The following MGAM variants were observed in gnomAD, a reference collection of about 807,000 sequenced individuals.
The protein encoded by MGAM is maltase-glucoamylase, also known as alpha-1,4-glucosidase.
In MGAM, 253 loss-of-function variants were observed where a neutral mutation model predicts 358.8. The observed-to-expected ratio is 0.71, with a 90% CI of 0.64 to 0.78. The LOEUF (loss-of-function observed/expected upper bound fraction) is 0.78, where lower values mean the gene tolerates loss of function less well. Ranked by LOEUF, MGAM falls within the 30% of genes least tolerant of loss-of-function variation. MGAM has a pLI of 0.00. For synonymous variants in MGAM, 1,105 were observed against 1,227.1 expected (o/e 0.90, Z 2.08); for missense variants, 3,080 against 3,432.6 (o/e 0.90, Z 2.57).
intron 6 of MGAM, 53 bp downstream of exon 6, chr7:142,021,790 C>T (rs1353985579): frequency 6.3e-7 from 1 of 1,579,636 alleles, no homozygotes; most frequent in Non-Finnish European, 8.7e-7. Flanking sequence ...ACAGGGAGGT[C>T]TGTAAGCATG....
chr7:142,033,093 C>T (rs370519405), intron 14 of MGAM, among the ~76,000 whole-genome samples, 184 bp downstream of exon 14: 1 of 152,156 alleles, frequency 6.6e-6, no homozygotes, highest in Admixed American at 6.5e-5. Context: ...TTTCCTAAAA[C>T]ATGCACAAAT....
intron 1 of MGAM, among the ~76,000 whole-genome samples, chr7:142,004,930 A>C (rs1473656087): frequency 1.3e-5 from 2 of 152,092 alleles, no homozygotes; most frequent in Non-Finnish European, 2.9e-5. Context: ...TAAAAAATCA[A>C]ACTTAAATCT....
chr7:142,054,009 G>C (rs192746011), intron 26 of MGAM, among the ~76,000 whole-genome samples: 4 of 152,126 alleles, frequency 2.6e-5, no homozygotes, highest in Non-Finnish European at 4.4e-5. Flanking sequence ...CTCTGCCTTC[G>C]TGGTTGTTAT....
intron 68 of MGAM, among the ~76,000 whole-genome samples, chr7:142,101,660 C>T (rs1012965606): frequency 6.6e-6 from 1 of 151,636 alleles, no homozygotes; most frequent in Admixed American, 6.6e-5. Context: ...AATCCCAGCA[C>T]TTTGAGAGGC....
chr7:142,053,117 G>A lies in MGAM; in HGVS notation c.3159+133G>A, dbSNP rs547480659. On this transcript the variant is annotated intron_variant, in intron 26 of 70. Coordinates refer to ENST00000475668, the MANE Select transcript of MGAM (RefSeq NM_001365693.1). The stretch of plus-strand genomic sequence containing the variant: ...ACTATATCATTATCCAGAGAGCATT[G>A]AGAAATCATTGAGGGAACAATGAGA... The A allele has an allele frequency of 2.8e-6, 3 of 1,059,072 alleles. No homozygotes were observed. In the South Asian group the frequency reaches 4.8e-5, roughly 17 times the overall value. The allele number at this position is 1,059,072 out of a possible 1,614,324, so 65.6% of individuals were successfully genotyped here.
intron 70 of MGAM, among the ~76,000 whole-genome samples, chr7:142,103,891 C>G (rs1474547458): frequency 1.3e-5 from 2 of 149,634 alleles, no homozygotes; most frequent in Non-Finnish European, 3.0e-5. Flanking sequence ...GAGTCTCACT[C>G]TGTTGCCCAG....
In MGAM at chr7:142,038,711, C is replaced by A. The variant is rs1015806865; in HGVS notation, c.2316+96C>A. On this transcript the variant is annotated intron_variant, in intron 19 of 70. Coordinates refer to ENST00000475668, the MANE Select transcript of MGAM (RefSeq NM_001365693.1). ...CTTCTTATTCCAAACTCACTTCTGA[C>A]ATCTGTGACTGAGTCAGCCTTGAAG... The A allele has an allele frequency of 1.2e-5, 10 of 850,766 alleles. No homozygotes were observed. The African/African-American group carries it at 1.7e-4, about 15-fold the overall frequency. The allele number at this position is 850,766 out of a possible 1,614,324, so 52.7% of individuals were successfully genotyped here.
rs371707186 is a variant in MGAM at position 142,064,472 on chromosome 7, C to T, written c.4434C>T (p.His1478=). The T allele has an allele frequency of 2.4e-5, 38 of 1,589,054 alleles. No homozygotes were observed. The African/African-American group carries it at 3.9e-4, about 16-fold the overall frequency. ...TCCCAGACGGCTCCCTGGTGCAGCA[C>T]TACAACGTGCACAACCTGTATGGGT... is the stretch of plus-strand genomic sequence containing the variant. ...QILPDGSLVQ[H]YNVHNLYGWS... Residue 1478 remains histidine, a synonymous_variant, in exon 37 of 71, where the codon CAC becomes CAT. Transcript: ENST00000475668.
rs78035993 is a variant in MGAM, at chr7:142,079,987, G to T, written c.5848-804G>T. Among the ~76,000 whole-genome samples the T allele has an allele frequency of 9.4e-3, 1,380 of 146,472 alleles. 156 individuals are homozygous for T. The South Asian group carries it at 0.097, about 10-fold the overall frequency. On this transcript the variant is annotated intron_variant, in intron 49 of 70. Coordinates refer to ENST00000475668, the MANE Select transcript of MGAM (RefSeq NM_001365693.1). ...TACTCTACCTCTTGACCATACAGTA[G>T]CTCTTTCCAAAATATTTGCCTCTTT...
At chr7:142,072,228 A>G (rs1472640380) in intron 44 of MGAM, among the ~76,000 whole-genome samples, 1 of 145,986 alleles carries the variant, frequency 6.8e-6, no homozygotes, top group Non-Finnish European at 1.6e-5. Context: ...AACAACTCTT[A>G]TCTCCTGCCA....
intron 45 of MGAM, among the ~76,000 whole-genome samples, chr7:142,075,501 A>G (rs1201598826): frequency 1.4e-5 from 2 of 146,606 alleles, no homozygotes; most frequent in Non-Finnish European, 3.1e-5. Context: ...TGAAAAGGCA[A>G]ACTACAGAAT....
chr7:142,078,771 T>A, intron 48 of MGAM, 37 bp from the exon 49 acceptor site: 1 of 1,509,236 alleles, frequency 6.6e-7, no homozygotes, highest in Non-Finnish European at 9.2e-7. Flanking sequence ...TAAGACCACA[T>A]GCTGTGCTGA....
At chr7:142,030,303 A>T in intron 10 of MGAM, 59 bp from the exon 11 acceptor site, 1 of 1,561,042 alleles carries the variant, frequency 6.4e-7, no homozygotes, top group Non-Finnish European at 8.7e-7. Context: ...TGAAAATTTG[A>T]TTTCATTTTA....
Position 142,052,922 on chromosome 7 carries a change from A to G in MGAM, c.3097A>G (p.Thr1033Ala), listed in dbSNP as rs187645172. 491 of 1,613,810 alleles carry G rather than the reference A, an allele frequency of 3.0e-4. 1 individual carries two copies. In the African/African-American group the frequency reaches 5.0e-3, roughly 17 times the overall value. The change falls in exon 26 of 71, where the codon ACA becomes GCA. Residue 1033 changes from threonine to alanine, a missense_variant. Thr to Ala is a moderately conservative substitution (Grantham distance 58). Around this residue, in one of 5 missense-constraint regions of MGAM, gnomAD observed 1,816 missense variants for 1,840.5 expected, o/e 0.99. Transcript: ENST00000475668. ...SSVYANAFPS[T>A]PVNPLRLDVT... ...CGTTTATGCCAATGCCTTCCCCTCCACACCCGTGAACCCCCTTCGCCTGGA... is the reference window on the plus strand; with the variant it reads ...CGTTTATGCCAATGCCTTCCCCTCCGCACCCGTGAACCCCCTTCGCCTGGA...
Position 142,059,947 on chromosome 7 carries a change from G to C in MGAM, c.4040G>C (p.Gly1347Ala), listed in dbSNP as rs1441650508. 6.2e-7 allele frequency: 1 copy of C among 1,606,764 alleles called. No homozygotes were observed. Among genetic ancestry groups the C allele is most frequent in the East Asian group, 2.2e-5 (1 of 44,710 alleles). ...DDVFIKYPND[G>A]DIVWGKVWPD... is the part of the protein sequence containing the mutation. ...GTCTTCATCAAATACCCAAATGATGGAGACATTGTCTGGGGAAAGGTATAA... is the reference window on the plus strand; with the variant it reads ...GTCTTCATCAAATACCCAAATGATGCAGACATTGTCTGGGGAAAGGTATAA... Residue 1347 changes from glycine to alanine, a missense_variant, in exon 33 of 71, where the codon GGA becomes GCA. Physicochemically the swap from Gly to Ala is moderately conservative, Grantham distance 60. This residue lies in a region of MGAM where 1,816 missense variants were observed against 1,840.5 expected (regional missense o/e 0.99). Transcript: ENST00000475668.
At position 142,040,166 on chromosome 7, in the gene MGAM, G is replaced by A. The variant is rs1163875284; in HGVS notation, c.2368G>A (p.Glu790Lys). The A allele has an allele frequency of 1.2e-6, 2 of 1,610,612 alleles. No homozygotes were observed. Among genetic ancestry groups the A allele is most frequent in the Non-Finnish European group, 1.7e-6 (2 of 1,177,536 alleles). The change falls in exon 20 of 71, where the codon GAG becomes AAG. Residue 790 changes from glutamate (E) to lysine (K), a missense_variant. Glu to Lys is a moderately conservative substitution (Grantham distance 56). Transcript: ENST00000475668. ...GCCTGATGCTGTCTGGTATGACTAC[G>A]AGACTGTAAGTAGCTTTGACTTTTC... The part of the protein sequence containing the change: ...YVPDAVWYDY[E>K]TGSQVRWRKQ...
chr7:142,017,499 C>T (rs1304148991), intron 3 of MGAM, among the ~76,000 whole-genome samples: 1 of 152,206 alleles, frequency 6.6e-6, no homozygotes, highest in South Asian at 2.1e-4. Context: ...AGACTGTTTG[C>T]ATTCCTTGCT....
rs535403031 is a variant in MGAM at position 142,087,466 on chromosome 7, G to T, written c.6810+749G>T. Among the ~76,000 whole-genome samples, 66 of 146,438 alleles carry T rather than the reference G, an allele frequency of 4.5e-4. 10 individuals carry two copies. The highest frequency in any genetic ancestry group is 7.0e-3 in the Middle Eastern group (2 of 284). ...GATGTGTGTCTCCTGAACTGAGGCA[G>T]CCTGTGTGCTTTACTATCAATTGTT... On this transcript the variant is annotated intron_variant, in intron 57 of 70. Coordinates refer to ENST00000475668, the MANE Select transcript of MGAM (RefSeq NM_001365693.1).
chr7:142,038,252 G>C (rs996746018), intron 18 of MGAM, among the ~76,000 whole-genome samples: 1 of 152,068 alleles, frequency 6.6e-6, no homozygotes, highest in East Asian at 1.9e-4. Flanking sequence ...TTTTAAAAAG[G>C]AGGGCTATGG....
Sources: allele counts gnomAD v4.1 joint callset (sites outside exome capture counted in the v4.1 genomes callset), GRCh38; gene constraint gnomAD v4.1.1; regional missense constraint gnomAD v4.1.1; transcripts MANE v1.5; gene names NCBI Gene and HGNC (gene_info 2026-07-23, HGNC 2026-07-21).